AGBL1: variants seen among roughly 807,000 people sequenced by gnomAD.
AGBL1 encodes the protein AGBL carboxypeptidase 1.
AGBL1 carries 130 observed loss-of-function variants against 118.9 expected under a neutral mutation model. That is an observed-to-expected ratio of 1.09 (90% confidence interval 0.95 to 1.26). The LOEUF (loss-of-function observed/expected upper bound fraction) is 1.26. Among genes scored for constraint, AGBL1 ranks in the 50% most tolerant of loss-of-function variants. The pLI is 0.00. For synonymous variants in AGBL1, 555 were observed against 478.9 expected (o/e 1.16, Z -2.08); for missense variants, 1,584 against 1,298.1 (o/e 1.22, Z -3.38).
chr15:86,093,238 A>C (rs1305831705), intron 1 of AGBL1, among the ~76,000 whole-genome samples: 1 of 152,186 alleles, frequency 6.6e-6, no homozygotes, highest in African/African-American at 2.4e-5. Context: ...GTGACCCAGA[A>C]AATTTGAAGA....
At chr15:86,091,438 G>A (rs1896018038) in intron 1 of AGBL1, among the ~76,000 whole-genome samples, 1 of 152,170 alleles carries the variant, frequency 6.6e-6, no homozygotes, top group Non-Finnish European at 1.5e-5. Context: ...AGTCTCTTGG[G>A]GAAGATCAGA....
Position 86,264,477 on chromosome 15 carries a change from G to A in AGBL1, c.1306G>A (p.Val436Met), listed in dbSNP as rs776396285. ...VHLGSKKNPGVNLYQNVQSNS... is the reference protein window; with the variant it reads ...VHLGSKKNPGMNLYQNVQSNS... ...TCTAGGCTCCAAAAAAAATCCTGGA[G>A]TGAACCTGTACCAAAATGTGCAATC... The change falls in exon 11 of 23, where the codon GTG becomes ATG. Residue 436 changes from valine to methionine, a missense_variant. By Grantham distance (21) the Val-to-Met change is conservative. Coordinates refer to ENST00000614907, the MANE Select transcript of AGBL1 (RefSeq NM_001386094.1). The A allele has an allele frequency of 7.4e-6, 12 of 1,613,920 alleles. No homozygotes were observed. The highest frequency in any genetic ancestry group is 5.9e-6 in the Non-Finnish European group (7 of 1,179,908).
chr15:86,761,036 C>G (rs546961289), intron 22 of AGBL1, among the ~76,000 whole-genome samples: 1 of 152,162 alleles, frequency 6.6e-6, no homozygotes, highest in Non-Finnish European at 1.5e-5. Context: ...CTAGCCTTGC[C>G]TTCTCCAAGA....
In AGBL1 at chr15:86,206,872, T is replaced by C. The variant is rs546750359; in HGVS notation, c.489-18042T>C. Among the ~76,000 whole-genome samples, 9 of 152,374 alleles carry C rather than the reference T, an allele frequency of 5.9e-5. No homozygotes were observed. In the East Asian group the frequency reaches 1.7e-3, roughly 29 times the overall value. ...GCCATTGCTTTTGGTGTTTTAGTTA[T>C]GAAGTCCTTGTCTATGCCTGTGTCC... On this transcript the variant is annotated intron_variant, in intron 5 of 22. Coordinates refer to ENST00000614907, the MANE Select transcript of AGBL1 (RefSeq NM_001386094.1).
At chr15:86,956,269 G>T (rs2080930556) in intron 23 of AGBL1, among the ~76,000 whole-genome samples, 1 of 151,944 alleles carries the variant, frequency 6.6e-6, no homozygotes. Context: ...AGATTAGATA[G>T]ATGATAGAGA....
In AGBL1 at chr15:86,262,833, G is replaced by C. The variant is rs951955069; in HGVS notation, c.1025G>C (p.Arg342Pro). The C allele has an allele frequency of 8.1e-6, 13 of 1,611,264 alleles. No individual in the cohort carries two copies. Among genetic ancestry groups the C allele is most frequent in the Non-Finnish European group, 1.0e-5 (12 of 1,178,822 alleles). ...CTGAGTTCCAAACCTGGTCTTGACC[G>C]ACCTGAAGAGGAACTGATGCAATAT... ...NKLSSKPGLDRPEEELMQYEV... is the reference protein window; with the variant it reads ...NKLSSKPGLDPPEEELMQYEV... Residue 342 changes from arginine to proline, a missense_variant, in exon 10 of 23, where the codon CGA (arginine) becomes CCA (proline). By Grantham distance (103) the Arg-to-Pro change is moderately radical (BLOSUM62 -2). Transcript: ENST00000614907.
intron 19 of AGBL1, among the ~76,000 whole-genome samples, chr15:86,539,243 C>T (rs908557758): frequency 5.3e-5 from 8 of 152,156 alleles, no homozygotes; most frequent in East Asian, 1.9e-4. Context: ...CTTGCCTTTG[C>T]GGAAAGGCAC....
chr15:86,311,947 C>G (rs1402538084), intron 17 of AGBL1, among the ~76,000 whole-genome samples: 1 of 152,192 alleles, frequency 6.6e-6, no homozygotes. Context: ...CTCAGCATAG[C>G]TGATCGATGT....
chr15:86,282,865 T>G (rs563545556), intron 16 of AGBL1, among the ~76,000 whole-genome samples: 25 of 152,328 alleles, frequency 1.6e-4, no homozygotes, highest in Non-Finnish European at 3.4e-4. Flanking sequence ...TCTCCTATAA[T>G]ATGGATTACA....
chr15:86,307,130 C>T (rs573133627), intron 17 of AGBL1, among the ~76,000 whole-genome samples: 23 of 152,068 alleles, frequency 1.5e-4, no homozygotes, highest in Non-Finnish European at 2.6e-4. Flanking sequence ...AAAGAACTCA[C>T]CATTTTAGTG....
chr15:86,994,482 C>T (rs964398028), intron 24 of AGBL1, among the ~76,000 whole-genome samples: 1 of 152,100 alleles, frequency 6.6e-6, no homozygotes, highest in Non-Finnish European at 1.5e-5. Flanking sequence ...AGACTCTCTA[C>T]CATACCACTC....
chr15:86,671,471 A>C (rs1221424971), intron 21 of AGBL1, among the ~76,000 whole-genome samples: 2 of 152,196 alleles, frequency 1.3e-5, no homozygotes, highest in Non-Finnish European at 2.9e-5. Flanking sequence ...CTGGGTGAGA[A>C]GGGAATTGGA....
intron 23 of AGBL1, among the ~76,000 whole-genome samples, chr15:86,947,006 C>T (rs1276491266): frequency 6.6e-6 from 1 of 152,020 alleles, no homozygotes; most frequent in Non-Finnish European, 1.5e-5. Context: ...TTCAAGGAAC[C>T]TTTTAAGGAT....
In AGBL1 at chr15:86,754,787, C is replaced by T. The variant is rs533375582; in HGVS notation, c.3158+80351C>T. ...CCATCCTTTTATCTTTTTGTGTTCC[C>T]TGTTCAGAGGCACTGACCTTTTAGC... On this transcript the variant is annotated intron_variant, in intron 22 of 22. Coordinates refer to ENST00000614907, the MANE Select transcript of AGBL1 (RefSeq NM_001386094.1). Among the ~76,000 whole-genome samples the T allele has an allele frequency of 1.3e-3, 194 of 152,166 alleles. 3 individuals are homozygous for T. Among genetic ancestry groups the T allele is most frequent in the Non-Finnish European group, 7.4e-5 (5 of 67,976 alleles).
intron 1 of AGBL1, among the ~76,000 whole-genome samples, chr15:86,113,617 C>T (rs149129939): frequency 2.0e-5 from 3 of 152,160 alleles, no homozygotes; most frequent in Non-Finnish European, 2.9e-5. Context: ...GCCTTTCAGT[C>T]GAGCTATTTG....
At chr15:86,570,339 G>A (rs1416391751) in intron 21 of AGBL1, among the ~76,000 whole-genome samples, 1 of 152,224 alleles carries the variant, frequency 6.6e-6, no homozygotes, top group African/African-American at 2.4e-5. Flanking sequence ...GAAAATAGGG[G>A]AAGTACAGAG....
intron 21 of AGBL1, among the ~76,000 whole-genome samples, chr15:86,610,882 C>A (rs982183059): frequency 4.6e-5 from 7 of 152,116 alleles, no homozygotes; most frequent in African/African-American, 1.7e-4. Flanking sequence ...TGCTCTGGAT[C>A]AGTGGTTCTC....
intron 21 of AGBL1, among the ~76,000 whole-genome samples, chr15:86,656,612 A>G (rs1468518593): frequency 2.0e-5 from 3 of 152,150 alleles, no homozygotes; most frequent in Non-Finnish European, 4.4e-5. Flanking sequence ...TTAAAATATG[A>G]CATAGTCTAA....
At chr15:86,903,833 C>T (rs527950550) in intron 22 of AGBL1, among the ~76,000 whole-genome samples, 2 of 152,292 alleles carry the variant, frequency 1.3e-5, no homozygotes, top group Admixed American at 1.3e-4. Flanking sequence ...GCAGCAGTTC[C>T]TCCTTACTGC....
Sources: allele counts gnomAD v4.1 joint callset (sites outside exome capture counted in the v4.1 genomes callset), GRCh38; gene constraint gnomAD v4.1.1; transcripts MANE v1.5; gene names NCBI Gene and HGNC (gene_info 2026-07-23, HGNC 2026-07-21).